FOXP1: variants seen among roughly 807,000 people sequenced by gnomAD.
FOXP1 encodes forkhead box protein P1.
In FOXP1, 15 loss-of-function variants were observed where a neutral mutation model predicts 98.2. The ratio of observed to expected loss-of-function variants is 0.15; its 90% CI spans 0.10 to 0.24. The LOEUF is 0.24. Ranked by LOEUF, FOXP1 falls within the 10% of genes least tolerant of loss-of-function variation. The pLI is 1.00. For missense variants in FOXP1, 633 were observed against 848.5 expected, an observed-to-expected ratio of 0.75 and a Z score of 3.15; for synonymous variants, 371 against 314.5, an observed-to-expected ratio of 1.18 and a Z score of -1.90.
chr3:71,061,855 A>G (rs1433710150), intron 7 of FOXP1, among the ~76,000 whole-genome samples: 2 of 152,216 alleles, frequency 1.3e-5, no homozygotes, highest in Non-Finnish European at 2.9e-5. Flanking sequence ...CTCAAATGTT[A>G]GTACAGACTG....
chr3:71,098,114 T>G (rs2056632444), intron 7 of FOXP1, among the ~76,000 whole-genome samples: 1 of 152,208 alleles, frequency 6.6e-6, no homozygotes, highest in African/African-American at 2.4e-5. Context: ...TAAATTCTGT[T>G]TTGCTTTCAT....
rs548792384 is a variant in FOXP1, at chr3:70,957,830, T to G, written c.*1417A>C. On this transcript the variant is annotated 3_prime_UTR_variant, in exon 21 of 21. Transcript: ENST00000649528. ...CATATTTGAAATTAACACTTTAGCA[T>G]TTGCTGAACTCAGCCCTCGTTAACT... The G allele has an allele frequency of 8.1e-5, 19 of 233,862 alleles. No individual in the cohort carries two copies. Among genetic ancestry groups the G allele is most frequent in the Non-Finnish European group, 1.5e-4 (18 of 118,170 alleles). The allele number at this position is 233,862 out of a possible 1,614,324, so 14.5% of individuals were successfully genotyped here. A position where few individuals can be genotyped will look rare whatever the true frequency, so the allele number is the denominator to read the frequency against.
chr3:71,261,265 C>G (rs932543482), intron 5 of FOXP1, among the ~76,000 whole-genome samples: 1 of 151,952 alleles, frequency 6.6e-6, no homozygotes, highest in Non-Finnish European at 1.5e-5. Context: ...ATAAATAATG[C>G]CACTTTTAGT....
chr3:71,428,651 C>A (rs1457001792), intron 3 of FOXP1, among the ~76,000 whole-genome samples: 5 of 152,274 alleles, frequency 3.3e-5, no homozygotes, highest in African/African-American at 4.8e-5. Context: ...GTCTTTCATG[C>A]CCAAGGTTTG....
At chr3:71,408,739 G>C (rs1577350599) in intron 3 of FOXP1, among the ~76,000 whole-genome samples, 3 of 152,156 alleles carry the variant, frequency 2.0e-5, no homozygotes, top group African/African-American at 7.2e-5. Flanking sequence ...GTAAGTAGAG[G>C]CAAGGGGCAG....
chr3:71,428,415 C>T (rs893743259), intron 3 of FOXP1, among the ~76,000 whole-genome samples: 1 of 152,252 alleles, frequency 6.6e-6, no homozygotes, highest in Non-Finnish European at 1.5e-5. Context: ...GATATGCATG[C>T]CAGTGCAAAA....
At chr3:71,396,935 CACATATATAT>C (rs2081432411) in intron 3 of FOXP1, among the ~76,000 whole-genome samples, 1 of 91,856 alleles carries the variant, frequency 1.1e-5, no homozygotes, top group Admixed American at 1.2e-4. Flanking sequence ...TATATATATA[CACATATATAT>C]ATGTGTATAT....
Position 70,956,761 on chromosome 3 carries a change from TTTTTTTTTTTTTA to T in FOXP1, c.*2473_*2485del. 1.6e-5 allele frequency: 3 copies of T among 192,124 alleles called. No homozygotes were observed. The highest frequency in any genetic ancestry group is 7.0e-5 in the Admixed American group (1 of 14,268). The allele number at this position is 192,124 out of a possible 1,614,324, so 11.9% of individuals were successfully genotyped here. On this transcript the variant is annotated 3_prime_UTR_variant, in exon 21 of 21. Coordinates refer to ENST00000649528, the MANE Select transcript of FOXP1 (RefSeq NM_001349338.3). ...TTTTTTTTTTTTTTTTTTTTTTTTT[TTTTTTTTTTTTTA>T]AAGTCTTGCGTGACCACAGACTGCC...
chr3:71,323,152 G>A (rs2075491449), intron 4 of FOXP1, among the ~76,000 whole-genome samples: 1 of 152,020 alleles, frequency 6.6e-6, no homozygotes, highest in South Asian at 2.1e-4. Context: ...TGTATTTTTA[G>A]TAGAGATGGG....
At chr3:71,136,570 T>A (rs2059829432) in intron 6 of FOXP1, among the ~76,000 whole-genome samples, 1 of 152,228 alleles carries the variant, frequency 6.6e-6, no homozygotes, top group Admixed American at 6.5e-5. Flanking sequence ...GCAACTGAGC[T>A]GCCACATAAA....
At chr3:71,355,061 A>G (rs1183475228) in intron 4 of FOXP1, among the ~76,000 whole-genome samples, 1 of 152,216 alleles carries the variant, frequency 6.6e-6, no homozygotes, top group Non-Finnish European at 1.5e-5. Flanking sequence ...GGACACGCAG[A>G]GTATGCAGTA....
chr3:71,501,419 C>T (rs566627479), intron 2 of FOXP1, among the ~76,000 whole-genome samples: 31 of 151,672 alleles, frequency 2.0e-4, no homozygotes, highest in African/African-American at 7.2e-4. Context: ...CTCAGCGTCC[C>T]GAGTAGCTGG....
intron 4 of FOXP1, among the ~76,000 whole-genome samples, chr3:71,335,648 A>G: frequency 6.6e-6 from 1 of 152,172 alleles, no homozygotes; most frequent in East Asian, 1.9e-4. Context: ...GTCTTGAAAC[A>G]CAAATTCCCA....
chr3:71,123,018 C>T (rs1286039443), intron 6 of FOXP1, among the ~76,000 whole-genome samples: 1 of 152,120 alleles, frequency 6.6e-6, no homozygotes, highest in African/African-American at 2.4e-5. Flanking sequence ...CTTTTCCCCA[C>T]ACAAAAGACT....
chr3:71,184,108 C>T (rs6773925), intron 6 of FOXP1, among the ~76,000 whole-genome samples: 1,655 of 152,218 alleles, frequency 0.011, 31 homozygotes, highest in African/African-American at 0.037. Context: ...GCTGAGATCA[C>T]GCCATTGCAC....
intron 5 of FOXP1, among the ~76,000 whole-genome samples, chr3:71,237,499 T>G (rs4050): frequency 0.014 from 2,059 of 152,224 alleles, 40 homozygotes; most frequent in African/African-American, 0.047. Flanking sequence ...ACTAGAAGCA[T>G]TTCAAGATCC....
intron 3 of FOXP1, among the ~76,000 whole-genome samples, chr3:71,402,245 A>G (rs912749437): frequency 6.6e-6 from 1 of 152,198 alleles, no homozygotes; most frequent in Non-Finnish European, 1.5e-5. Flanking sequence ...ACTTGAGCAC[A>G]GAAGTTTGAG....
At chr3:71,107,501 A>G (rs780429019) in intron 7 of FOXP1, among the ~76,000 whole-genome samples, 5 of 152,182 alleles carry the variant, frequency 3.3e-5, no homozygotes, top group Non-Finnish European at 7.4e-5. Context: ...GGGATTCTCA[A>G]AAGTCATGTG....
chr3:71,558,837 C>T (rs2107717195), intron 2 of FOXP1, among the ~76,000 whole-genome samples: 1 of 135,412 alleles, frequency 7.4e-6, no homozygotes. Flanking sequence ...GAGTCTCGCT[C>T]TTTCGCCCAG....
Sources: allele counts gnomAD v4.1 joint callset (sites outside exome capture counted in the v4.1 genomes callset), GRCh38; gene constraint gnomAD v4.1.1; transcripts MANE v1.5; gene names NCBI Gene and HGNC (gene_info 2026-07-23, HGNC 2026-07-21).